DDR2: variants seen among roughly 807,000 people sequenced by gnomAD.
DDR2 encodes the protein discoidin domain receptor tyrosine kinase 2, also known as discoidin domain-containing receptor 2.
Under a neutral mutation model 94.9 loss-of-function variants are expected in DDR2, and 27 were observed. The observed-to-expected ratio is 0.28, with a 90% CI of 0.21 to 0.39. The LOEUF (loss-of-function observed/expected upper bound fraction) is 0.39, where lower values mean the gene tolerates loss of function less well. Among genes scored for constraint, DDR2 ranks in the 10% least tolerant of loss-of-function variants. The pLI is 1.00. For synonymous variants in DDR2, 382 were observed against 377.2 expected, an observed-to-expected ratio of 1.01 and a Z score of -0.15; for missense variants, 783 against 1,076.0, an observed-to-expected ratio of 0.73 and a Z score of 3.81.
intron 1 of DDR2, among the ~76,000 whole-genome samples, chr1:162,642,641 T>G (rs1377393115): frequency 2.0e-5 from 3 of 152,140 alleles, no homozygotes; most frequent in Non-Finnish European, 4.4e-5. Flanking sequence ...CAGGAGGGTT[T>G]CAGAATACTA....
intron 4 of DDR2, among the ~76,000 whole-genome samples, chr1:162,753,750 T>G (rs564765301): frequency 1.3e-5 from 2 of 152,316 alleles, no homozygotes; most frequent in African/African-American, 4.8e-5. Context: ...GCGATTGATT[T>G]CAGGGGTCTT....
At chr1:162,639,866 T>A (rs971789651) in intron 1 of DDR2, among the ~76,000 whole-genome samples, 4 of 152,184 alleles carry the variant, frequency 2.6e-5, no homozygotes, top group African/African-American at 4.8e-5. Context: ...CTATTCGTAG[T>A]TGCCAGGAAT....
In DDR2 at chr1:162,730,546, T is replaced by C. The variant is rs74482452; in HGVS notation, c.82+11401T>C. 4.8e-3 allele frequency among the ~76,000 whole-genome samples: 735 copies of C among 152,332 alleles called. 8 individuals carry two copies. Among genetic ancestry groups the C allele is most frequent in the African/African-American group, 0.017 (716 of 41,572 alleles). The stretch of plus-strand genomic sequence containing the variant: ...AGTATGCAATGATGTGTACTGTCTA[T>C]GTACAGGTATTGCTAACTTGAGAAA... On this transcript the variant is annotated intron_variant, in intron 3 of 17. Transcript: ENST00000367921.
chr1:162,698,715 C>A (rs1660300073), intron 2 of DDR2, among the ~76,000 whole-genome samples: 1 of 152,170 alleles, frequency 6.6e-6, no homozygotes, highest in African/African-American at 2.4e-5. Context: ...CCAACAGAAG[C>A]TGGCCAGTGG....
chr1:162,704,022 A>G (rs1054636553), intron 2 of DDR2, among the ~76,000 whole-genome samples: 4 of 152,196 alleles, frequency 2.6e-5, no homozygotes, highest in Admixed American at 2.0e-4. Context: ...ATTTGACTTT[A>G]GACCTTCAGC....
Position 162,759,999 on chromosome 1 carries a change from G to T in DDR2, c.855+20G>T. On this transcript the variant is annotated intron_variant, in intron 8 of 17. Coordinates refer to ENST00000367921, the MANE Select transcript of DDR2 (RefSeq NM_006182.4). The stretch of plus-strand genomic sequence containing the variant: ...ATGAAGGTCAGTGGGGTCGGGTGTG[G>T]TGGAACTTCTTTAAGGAGGCACAAA... 6.2e-7 allele frequency: 1 copy of T among 1,614,100 alleles called. No individual in the cohort carries two copies. The highest frequency in any genetic ancestry group is 8.5e-7 in the Non-Finnish European group (1 of 1,179,982).
At chr1:162,663,667 T>G (rs998047258) in intron 2 of DDR2, among the ~76,000 whole-genome samples, 2 of 151,990 alleles carry the variant, frequency 1.3e-5, no homozygotes, top group African/African-American at 4.8e-5. Context: ...GGCAGAACCA[T>G]GCCAAGCAGA....
chr1:162,712,480 C>T (rs896887511), intron 2 of DDR2, among the ~76,000 whole-genome samples: 1 of 151,962 alleles, frequency 6.6e-6, no homozygotes, highest in African/African-American at 2.4e-5. Flanking sequence ...CTAGTTGTGG[C>T]TGCCACACTC....
intron 3 of DDR2, among the ~76,000 whole-genome samples, chr1:162,742,621 C>T (rs1662667198): frequency 6.6e-6 from 1 of 152,138 alleles, no homozygotes; most frequent in African/African-American, 2.4e-5. Flanking sequence ...CACCCACCAG[C>T]CCCCACCTCC....
chr1:162,708,301 G>A (rs76524445), intron 2 of DDR2, among the ~76,000 whole-genome samples: 7,109 of 152,256 alleles, frequency 0.047, 251 homozygotes, highest in Non-Finnish European at 0.069. Context: ...GTTCAGGAGG[G>A]GTTCCTATAG....
intron 3 of DDR2, among the ~76,000 whole-genome samples, chr1:162,750,550 G>C (rs1222421280): frequency 6.6e-6 from 1 of 152,154 alleles, no homozygotes; most frequent in Non-Finnish European, 1.5e-5. Context: ...AATCAATATC[G>C]TGGAAATGGC....
intron 16 of DDR2, among the ~76,000 whole-genome samples, chr1:162,776,580 G>A (rs1647566657): frequency 6.6e-6 from 1 of 152,086 alleles, no homozygotes; most frequent in South Asian, 2.1e-4. Context: ...AAAATTTAGG[G>A]AGAGAAGTTA....
chr1:162,662,221 T>G (rs1294153945), intron 2 of DDR2, among the ~76,000 whole-genome samples: 2 of 152,220 alleles, frequency 1.3e-5, no homozygotes, highest in Non-Finnish European at 2.9e-5. Context: ...ATTCATTCAC[T>G]CATTCATTCA....
intron 2 of DDR2, among the ~76,000 whole-genome samples, chr1:162,674,922 G>A (rs1659056027): frequency 6.6e-6 from 1 of 152,166 alleles, no homozygotes; most frequent in Admixed American, 6.5e-5. Context: ...GAGGGGCTGA[G>A]GCGGGTGGAT....
chr1:162,677,595 T>C (rs1659196988), intron 2 of DDR2, among the ~76,000 whole-genome samples: 1 of 152,204 alleles, frequency 6.6e-6, no homozygotes, highest in East Asian at 1.9e-4. Flanking sequence ...GGAGGACTTC[T>C]AGCTTTTCTT....
At chr1:162,631,085 G>A (rs962598572), upstream of DDR2, among the ~76,000 whole-genome samples, 4 of 151,868 alleles carry the variant, frequency 2.6e-5, no homozygotes, top group Non-Finnish European at 4.4e-5. Flanking sequence ...AGATGTTAAC[G>A]GCTGCTTTCT....
chr1:162,754,314 C>T (rs1663351305), intron 4 of DDR2, among the ~76,000 whole-genome samples: 1 of 152,194 alleles, frequency 6.6e-6, no homozygotes. Context: ...TGAAATGACT[C>T]ATGCGGGAAC....
chr1:162,726,283 CATTA>C (rs1428907214), intron 3 of DDR2, among the ~76,000 whole-genome samples: 1 of 152,102 alleles, frequency 6.6e-6, no homozygotes, highest in Non-Finnish European at 1.5e-5. Flanking sequence ...TTAATCATTT[CATTA>C]ATTAATTATT....
At chr1:162,767,401 T>C (rs1019797185) in intron 11 of DDR2, 42 bp downstream of exon 11, 4 of 1,610,382 alleles carry the variant, frequency 2.5e-6, no homozygotes, top group Non-Finnish European at 3.4e-6. Flanking sequence ...AAACTGCTCC[T>C]TTCTTTCTTA....
Sources: allele counts gnomAD v4.1 joint callset (sites outside exome capture counted in the v4.1 genomes callset), GRCh38; gene constraint gnomAD v4.1.1; transcripts MANE v1.5; gene names NCBI Gene and HGNC (gene_info 2026-07-23, HGNC 2026-07-21).